Variants in SOX6 observed in about 807,000 individuals in gnomAD.
The protein encoded by SOX6 is transcription factor SOX-6.
In SOX6, 11 loss-of-function variants were observed where a neutral mutation model predicts 97.8. The observed-to-expected ratio is 0.11, with a 90% CI of 0.07 to 0.19. The LOEUF (loss-of-function observed/expected upper bound fraction) is 0.19. Ranked by LOEUF, SOX6 falls within the 10% of genes least tolerant of loss-of-function variation. The pLI, the probability that SOX6 is intolerant of heterozygous loss-of-function variation, is 1.00. For synonymous variants in SOX6, 360 were observed against 371.4 expected, an observed-to-expected ratio of 0.97 and a Z score of 0.35; for missense variants, 810 against 1,039.5, an observed-to-expected ratio of 0.78 and a Z score of 3.04.
At chr11:16,662,834 A>C (rs1847776044) in intron 3 of SOX6, among the ~76,000 whole-genome samples, 1 of 152,066 alleles carries the variant, frequency 6.6e-6, no homozygotes, top group South Asian at 2.1e-4. Flanking sequence ...GATCTGACTA[A>C]AGGCACTTGC....
chr11:16,120,067 TG>T (rs1849449158), intron 6 of SOX6, among the ~76,000 whole-genome samples: 1 of 138,632 alleles, frequency 7.2e-6, no homozygotes, highest in African/African-American at 2.5e-5. Context: ...TGCTTCTGTT[TG>T]TTTGTTTGTT....
At chr11:16,115,572 G>C (rs992042712) in intron 6 of SOX6, among the ~76,000 whole-genome samples, 1 of 152,144 alleles carries the variant, frequency 6.6e-6, no homozygotes, top group African/African-American at 2.4e-5. Context: ...GTCATTCTTT[G>C]AGAATCACTA....
At chr11:16,681,133 C>G (rs887720342) in intron 3 of SOX6, among the ~76,000 whole-genome samples, 1 of 152,206 alleles carries the variant, frequency 6.6e-6, no homozygotes, top group Non-Finnish European at 1.5e-5. Context: ...CAAAACCCTC[C>G]ACCCCAAATC....
In SOX6 at chr11:15,967,381, C is replaced by T. The variant is rs1208065181; in HGVS notation, c.*5428G>A. On this transcript the variant is annotated 3_prime_UTR_variant, in exon 16 of 16. Coordinates refer to ENST00000683767, the MANE Select transcript of SOX6 (RefSeq NM_001367873.1). ...AACAGCAGCCAGCATGTCAGTCCAG[C>T]ATGTCAGTGAATTGTGCTGATTAAA... 6.6e-6 allele frequency: 1 copy of T among 152,208 alleles called. No homozygotes were observed. Among genetic ancestry groups the T allele is most frequent in the African/African-American group, 2.4e-5 (1 of 41,450 alleles). The allele number at this position is 152,208 out of a possible 1,614,324, so 9.4% of individuals were successfully genotyped here.
At chr11:16,569,188 T>C (rs1589989370) in intron 4 of SOX6, among the ~76,000 whole-genome samples, 1 of 152,334 alleles carries the variant, frequency 6.6e-6, no homozygotes, top group East Asian at 1.9e-4. Context: ...CAAAATTCTT[T>C]TAAAAATTCT....
At chr11:16,624,330 A>G (rs7481057) in intron 3 of SOX6, among the ~76,000 whole-genome samples, 151,216 of 152,104 alleles carry the variant, frequency 0.99, 75,176 homozygotes, top group East Asian at 1. Context: ...TGGGACTACA[A>G]GTGCGTGCCA....
At chr11:16,119,831 C>A (rs927031076) in intron 6 of SOX6, among the ~76,000 whole-genome samples, 1 of 152,230 alleles carries the variant, frequency 6.6e-6, no homozygotes, top group African/African-American at 2.4e-5. Context: ...TCTTATTTAG[C>A]AAATCTGTGG....
chr11:16,642,857 G>A lies in SOX6; in HGVS notation n.430-30597C>T, dbSNP rs536999128. 5.9e-5 allele frequency among the ~76,000 whole-genome samples: 9 copies of A among 152,224 alleles called. No homozygotes were observed. The South Asian group carries it at 8.3e-4, about 14-fold the overall frequency. ...TTTTTAACTTCTTTGCCATGGGTTC[G>A]AACTTCCTCCTTTAGCTCAGAGAAG... On this transcript the variant is annotated intron_variant and non_coding_transcript_variant, in intron 3 of 5. Transcript: ENST00000524520.
intron 4 of SOX6, among the ~76,000 whole-genome samples, chr11:16,533,114 A>T (rs1172474215): frequency 6.6e-6 from 1 of 151,898 alleles, no homozygotes; most frequent in African/African-American, 2.4e-5. Context: ...CTAGACACAA[A>T]ATTACAGATT....
chr11:16,644,445 T>C (rs187237287), intron 3 of SOX6, among the ~76,000 whole-genome samples: 1 of 152,310 alleles, frequency 6.6e-6, no homozygotes, highest in Admixed American at 6.5e-5. Flanking sequence ...TATAGCCCTA[T>C]TACAATAAAC....
At chr11:16,429,995 A>C (rs1859240176) in intron 1 of SOX6, among the ~76,000 whole-genome samples, 1 of 152,176 alleles carries the variant, frequency 6.6e-6, no homozygotes, top group African/African-American at 2.4e-5. Flanking sequence ...ATAAAATAGA[A>C]ACAATAGAAA....
chr11:16,524,119 C>A (rs1861116714), intron 4 of SOX6, among the ~76,000 whole-genome samples: 1 of 152,204 alleles, frequency 6.6e-6, no homozygotes, highest in Non-Finnish European at 1.5e-5. Context: ...TCCTCCCTAA[C>A]TCATTTTATG....
At chr11:16,232,814 C>A (rs1852899686) in intron 4 of SOX6, among the ~76,000 whole-genome samples, 1 of 152,092 alleles carries the variant, frequency 6.6e-6, no homozygotes, top group Non-Finnish European at 1.5e-5. Context: ...AAGTAGCAAA[C>A]ACCATGTTAT....
chr11:16,132,486 A>AAGAAAG (rs1849838469), intron 6 of SOX6, among the ~76,000 whole-genome samples: 2 of 148,778 alleles, frequency 1.3e-5, no homozygotes, highest in African/African-American at 5.0e-5. Context: ...GAAAGAAAGA[A>AAGAAAG]AGAAAGAAAG....
At chr11:16,693,867 A>AT (rs1848033905) in intron 3 of SOX6, among the ~76,000 whole-genome samples, 1 of 152,198 alleles carries the variant, frequency 6.6e-6, no homozygotes, top group East Asian at 1.9e-4. Flanking sequence ...GATACCTGTC[A>AT]TTTTTTCTCC....
At chr11:16,373,943 A>G (rs1244298530) in intron 1 of SOX6, among the ~76,000 whole-genome samples, 2 of 151,148 alleles carry the variant, frequency 1.3e-5, no homozygotes, top group Non-Finnish European at 3.0e-5. Flanking sequence ...GGAAGGGAAG[A>G]AGGAAGGAAG....
chr11:16,144,977 G>C lies in SOX6; in HGVS notation c.778-33054C>G, dbSNP rs546755663. On this transcript the variant is annotated intron_variant, in intron 6 of 15. Coordinates refer to ENST00000683767, the MANE Select transcript of SOX6 (RefSeq NM_001367873.1). The stretch of plus-strand genomic sequence containing the variant: ...ATTATTCCAATCAATAGAAAAAGAG[G>C]GAATCCTCCCTAACTCATTTTATGA... 7.6e-3 allele frequency among the ~76,000 whole-genome samples: 1,154 copies of C among 152,216 alleles called. 21 individuals are homozygous for C. Among genetic ancestry groups the C allele is most frequent in the African/African-American group, 0.026 (1,073 of 41,534 alleles).
At chr11:16,168,820 G>C (rs1056792985) in intron 6 of SOX6, among the ~76,000 whole-genome samples, 1 of 152,090 alleles carries the variant, frequency 6.6e-6, no homozygotes, top group African/African-American at 2.4e-5. Flanking sequence ...ACTGCTAATA[G>C]CATATGAAAA....
intron 4 of SOX6, among the ~76,000 whole-genome samples, chr11:16,593,229 A>G (rs1206272471): frequency 6.6e-6 from 1 of 152,210 alleles, no homozygotes. Context: ...TAGAGCTGAT[A>G]AGAACAAGTG....
Sources: gnomAD v4.1 joint callset for allele counts (sites outside exome capture counted in the v4.1 genomes callset) on GRCh38, gnomAD v4.1.1 for gene constraint, MANE v1.5 for transcripts, NCBI Gene and HGNC (gene_info 2026-07-23, HGNC 2026-07-21) for gene names.